Variants in OR51E2 observed in about 807,000 individuals in gnomAD.
OR51E2 encodes olfactory receptor 51E2.
Under a neutral mutation model 13.7 loss-of-function variants are expected in OR51E2, and 14 were observed. That is an observed-to-expected ratio of 1.02 (90% CI 0.68 to 1.60). The LOEUF is 1.60. Among genes scored for constraint, OR51E2 ranks in the 40% most tolerant of loss-of-function variants. The pLI, the probability that OR51E2 is intolerant of heterozygous loss-of-function variation, is 0.00. For synonymous variants in OR51E2, 180 were observed against 157.6 expected, an observed-to-expected ratio of 1.14 and a Z score of -1.07; for missense variants, 483 against 413.8, an observed-to-expected ratio of 1.17 and a Z score of -1.45.
At position 4,682,599 on chromosome 11, in the gene OR51E2, A is replaced by G. The variant is rs1362347797; in HGVS notation, c.113T>C (p.Met38Thr). The G allele has an allele frequency of 2.5e-6, 4 of 1,614,078 alleles. No individual in the cohort carries two copies. The highest frequency in any genetic ancestry group is 1.7e-5 in the Admixed American group (1 of 60,006). ...FPLLSMYVVA[M>T]FGNCIVVFIV... ...GAAGACCACGATGCAGTTTCCAAAC[A>G]TTGCCACTACATACATGGAAAGGAG... Residue 38 changes from methionine to threonine, a missense_variant, in exon 2 of 2, where the codon ATG (methionine) becomes ACG (threonine). By Grantham distance (81) the Met-to-Thr change is moderately conservative. Coordinates refer to ENST00000396950, the MANE Select transcript of OR51E2 (RefSeq NM_030774.4).
At chr11:4,685,387 G>A (rs911911767) in intron 1 of OR51E2, among the ~76,000 whole-genome samples, 1 of 152,162 alleles carries the variant, frequency 6.6e-6, no homozygotes, top group African/African-American at 2.4e-5. Flanking sequence ...TCAGCCACAG[G>A]ATTAGTGTGT....
At chr11:4,685,323 C>T (rs1003815700) in intron 1 of OR51E2, among the ~76,000 whole-genome samples, 3 of 152,144 alleles carry the variant, frequency 2.0e-5, no homozygotes, top group African/African-American at 7.2e-5. Flanking sequence ...CTCACATATA[C>T]AGGGCTCTCG....
At chr11:4,693,677 G>A (rs1564888219) in intron 1 of OR51E2, among the ~76,000 whole-genome samples, 1 of 152,104 alleles carries the variant, frequency 6.6e-6, no homozygotes, top group Non-Finnish European at 1.5e-5. Flanking sequence ...AACCGAGATG[G>A]CGCCATTGCA....
At chr11:4,694,575 T>TATATATAC (rs72005121) in intron 1 of OR51E2, among the ~76,000 whole-genome samples, 69 of 147,950 alleles carry the variant, frequency 4.7e-4, no homozygotes, top group Non-Finnish European at 8.9e-4. Flanking sequence ...CATATATATA[T>TATATATAC]ACACACACAC....
rs1210157621 is a variant in OR51E2, at chr11:4,681,548, G to A, written c.*201C>T. The A allele has an allele frequency of 3.4e-6, 2 of 586,990 alleles. No homozygotes were observed. Among genetic ancestry groups the A allele is most frequent in the East Asian group, 2.8e-5 (1 of 35,488 alleles). The allele number at this position is 586,990 out of a possible 1,614,324, so 36.4% of individuals were successfully genotyped here. A position where few individuals can be genotyped will look rare whatever the true frequency, so the allele number is the denominator to read the frequency against. On this transcript the variant is annotated 3_prime_UTR_variant, in exon 2 of 2. Coordinates refer to ENST00000396950, the MANE Select transcript of OR51E2 (RefSeq NM_030774.4). ...TGTTATAAGCATGTTTGGTTTTATT[G>A]TAGTCTTTAAATCATGTAATACTTC... is the stretch of plus-strand genomic sequence containing the variant.
chr11:4,680,815 T>C lies in OR51E2; in HGVS notation c.*934A>G, dbSNP rs1413490416. On this transcript the variant is annotated 3_prime_UTR_variant, in exon 2 of 2. Transcript: ENST00000396950. ...TAATGCATAATAACAGTAGAGACTG[T>C]GACAAGCCCTGGCTTCCATAAATTG... 2.0e-5 allele frequency: 3 copies of C among 152,192 alleles called. No individual in the cohort carries two copies. The highest frequency in any genetic ancestry group is 4.4e-5 in the Non-Finnish European group (3 of 68,032). The allele number at this position is 152,192 out of a possible 1,614,324, so 9.4% of individuals were successfully genotyped here. A position where few individuals can be genotyped will look rare whatever the true frequency, so the allele number is the denominator to read the frequency against.
intron 1 of OR51E2, chr11:4,691,106 T>A (rs1352906292): frequency 2.2e-6 from 1 of 456,728 alleles, no homozygotes; most frequent in Admixed American, 2.3e-5. Context: ...TCAGCCCAAC[T>A]GCACTGTTGA....
intron 1 of OR51E2, among the ~76,000 whole-genome samples, chr11:4,688,051 T>C (rs932475481): frequency 6.6e-6 from 1 of 152,184 alleles, no homozygotes; most frequent in African/African-American, 2.4e-5. Flanking sequence ...ATTTTTACTA[T>C]GTGGCAGGCA....
intron 1 of OR51E2, among the ~76,000 whole-genome samples, chr11:4,694,399 T>C (rs2133253265): frequency 6.6e-6 from 1 of 151,976 alleles, no homozygotes; most frequent in African/African-American, 2.4e-5. Context: ...CCTTATTCTT[T>C]TTCCTAGCCA....
chr11:4,690,519 A>G (rs1189842777), intron 1 of OR51E2: 1 of 197,460 alleles, frequency 5.1e-6, no homozygotes, highest in Non-Finnish European at 1.1e-5. Flanking sequence ...GAGAAATTTT[A>G]TATATAAGGC....
At chr11:4,691,421 G>T (rs1213412616) in intron 1 of OR51E2, 1 of 457,642 alleles carries the variant, frequency 2.2e-6, no homozygotes, top group African/African-American at 2.0e-5. Flanking sequence ...CATTAAAGCT[G>T]ATTTCCCTCA....
At chr11:4,693,460 G>A (rs746601897) in intron 1 of OR51E2, among the ~76,000 whole-genome samples, 3 of 152,154 alleles carry the variant, frequency 2.0e-5, no homozygotes, top group African/African-American at 4.8e-5. Flanking sequence ...GGTGGCTCAC[G>A]CCTGTAGTCC....
In OR51E2 at chr11:4,682,037, C is replaced by T. The variant is rs1403027027; in HGVS notation, c.675G>A (p.Leu225=). Residue 225 remains leucine, a synonymous_variant, in exon 2 of 2, where the codon CTG becomes CTA. Transcript: ENST00000396950. ...CCCGCTCTGACTTGGAAGGCAGTTG[C>T]AGAACCGTTCGTATTATCAGAAAAT... is the stretch of plus-strand genomic sequence containing the variant. ...LSYFLIIRTV[L]QLPSKSERAK... is the part of the protein sequence containing the mutation. 7 of 1,614,094 alleles carry T rather than the reference C, an allele frequency of 4.3e-6. No individual in the cohort carries two copies. In the East Asian group the frequency reaches 1.6e-4, roughly 36 times the overall value.
intron 1 of OR51E2, among the ~76,000 whole-genome samples, chr11:4,694,093 T>G (rs1847621959): frequency 2.0e-5 from 3 of 152,172 alleles, no homozygotes; most frequent in African/African-American, 7.2e-5. Context: ...TGTAACCACT[T>G]AAAAAAATTA....
intron 1 of OR51E2, among the ~76,000 whole-genome samples, chr11:4,696,473 A>G (rs894727078): frequency 3.3e-5 from 5 of 152,180 alleles, no homozygotes; most frequent in African/African-American, 1.2e-4. Context: ...GAACCTCGGG[A>G]GGTCTATATA....
intron 1 of OR51E2, among the ~76,000 whole-genome samples, chr11:4,693,832 T>G (rs1390771024): frequency 6.6e-6 from 1 of 152,204 alleles, no homozygotes; most frequent in African/African-American, 2.4e-5. Context: ...GGATCTTACA[T>G]AGTGCTATTT....
Position 4,681,497 on chromosome 11 carries a change from T to C in OR51E2, c.*252A>G, listed in dbSNP as rs576902767. The C allele has an allele frequency of 3.8e-5, 18 of 475,444 alleles. 1 individual carries two copies. In the South Asian group the frequency reaches 6.6e-4, roughly 17 times the overall value. The allele number at this position is 475,444 out of a possible 1,614,324, so 29.5% of individuals were successfully genotyped here. A position where few individuals can be genotyped will look rare whatever the true frequency, so the allele number is the denominator to read the frequency against. On this transcript the variant is annotated 3_prime_UTR_variant, in exon 2 of 2. Transcript: ENST00000396950. ...ATGCTATTTTTCAACTTGGTTTCAA[T>C]CATGTATCTTTATTGTTTTTCTTAA...
intron 1 of OR51E2, among the ~76,000 whole-genome samples, chr11:4,692,561 C>T (rs1299609393): frequency 6.6e-6 from 1 of 152,134 alleles, no homozygotes; most frequent in African/African-American, 2.4e-5. Context: ...GCAAACATCA[C>T]ATTTCTTTTT....
At chr11:4,683,889 C>T (rs1020509673) in intron 1 of OR51E2, among the ~76,000 whole-genome samples, 6 of 152,310 alleles carry the variant, frequency 3.9e-5, no homozygotes, top group Admixed American at 3.9e-4. Context: ...GGCTGCAAGG[C>T]CTAACTTTTG....
Sources: allele counts gnomAD v4.1 joint callset (sites outside exome capture counted in the v4.1 genomes callset), GRCh38; gene constraint gnomAD v4.1.1; transcripts MANE v1.5; gene names NCBI Gene and HGNC (gene_info 2026-07-23, HGNC 2026-07-21).